The following MTMR14 variants were observed in gnomAD, a reference collection of about 807,000 sequenced individuals.
The protein encoded by MTMR14 is myotubularin related protein 14, also known as phosphatidylinositol-3,5-bisphosphate 3-phosphatase MTMR14.
Under a neutral mutation model 86.3 loss-of-function variants are expected in MTMR14, and 48 were observed. That is an observed-to-expected ratio of 0.56 (90% CI 0.44 to 0.71). MTMR14 has a LOEUF of 0.71. Ranked by LOEUF, MTMR14 falls within the 30% of genes least tolerant of loss-of-function variation. MTMR14 has a pLI of 0.00. For synonymous variants in MTMR14, 366 were observed against 326.1 expected, an observed-to-expected ratio of 1.12 and a Z score of -1.32; for missense variants, 780 against 834.6, an observed-to-expected ratio of 0.93 and a Z score of 0.81.
Position 9,701,765 on chromosome 3 carries a change from G to A in MTMR14, c.1770-25G>A. 6.2e-7 allele frequency: 1 copy of A among 1,612,744 alleles called. No individual in the cohort carries two copies. Among genetic ancestry groups the A allele is most frequent in the Non-Finnish European group, 8.5e-7 (1 of 1,179,970 alleles). On this transcript the variant is annotated intron_variant, in intron 18 of 18. Transcript: ENST00000296003. The surrounding 1 kb of genome is among the most constrained non-coding windows in gnomAD (Gnocchi z 4.2). ...GGTCCTGTCCCAGGGTAATGTCTTT[G>A]TTCTTTCTCTTGACCTCCCCATAGG...
intron 2 of MTMR14, among the ~76,000 whole-genome samples, chr3:9,658,735 A>C (rs2047752385): frequency 6.6e-6 from 1 of 152,212 alleles, no homozygotes; most frequent in Non-Finnish European, 1.5e-5. Context: ...TGTAAGCTCT[A>C]CTTTGTGCCT....
intron 13 of MTMR14, 109 bp downstream of exon 13, chr3:9,685,356 C>A: frequency 1.5e-6 from 2 of 1,353,386 alleles, no homozygotes; most frequent in Non-Finnish European, 2.1e-6. Flanking sequence ...CCCAGGTGTG[C>A]AGGGATGTGG....
chr3:9,685,389 GCA>G, intron 13 of MTMR14, 142 bp downstream of exon 13: 2 of 1,008,908 alleles, frequency 2.0e-6, no homozygotes, highest in East Asian at 4.9e-5. Context: ...TCCTCCTGAG[GCA>G]GCGTGGCAGG....
Position 9,669,532 on chromosome 3 carries a change from G to C in MTMR14, c.554+40G>C. 2.5e-6 allele frequency: 4 copies of C among 1,599,026 alleles called. No individual in the cohort carries two copies. The South Asian group carries it at 4.5e-5, about 18-fold the overall frequency. The stretch of plus-strand genomic sequence containing the variant: ...GCTGTGGTCAGGGGCTTGTGTTGGG[G>C]ATGGGGTGTCTGGCCAGAGATGGCC... On this transcript the variant is annotated intron_variant, in intron 5 of 18. Coordinates refer to ENST00000296003, the MANE Select transcript of MTMR14 (RefSeq NM_001077525.3).
chr3:9,669,323 G>A (rs990296055), intron 4 of MTMR14, 109 bp from the exon 5 acceptor site: 5 of 1,050,582 alleles, frequency 4.8e-6, no homozygotes, highest in African/African-American at 1.6e-5. Context: ...GTAGAGCCAT[G>A]TAGTCCCAGC....
chr3:9,682,938 CCCCCCG>C (rs1236490868), intron 9 of MTMR14, among the ~76,000 whole-genome samples: 10 of 151,642 alleles, frequency 6.6e-5, no homozygotes, highest in Non-Finnish European at 1.5e-4. Context: ...TCAGAGCCCC[CCCCCCG>C]CCCCCGCCCC....
chr3:9,687,034 G>A (rs772618179), intron 13 of MTMR14, among the ~76,000 whole-genome samples: 4 of 152,210 alleles, frequency 2.6e-5, no homozygotes, highest in Admixed American at 6.5e-5. Context: ...CCGCAGTTCT[G>A]AACCAGTATT....
intron 17 of MTMR14, among the ~76,000 whole-genome samples, chr3:9,692,325 A>G (rs1404574448): frequency 6.6e-6 from 1 of 152,220 alleles, no homozygotes; most frequent in Non-Finnish European, 1.5e-5. Flanking sequence ...GTAGGTATGA[A>G]TCAGGTTGGG....
intron 3 of MTMR14, among the ~76,000 whole-genome samples, chr3:9,667,503 C>G (rs1308405975): frequency 6.6e-6 from 1 of 152,014 alleles, no homozygotes; most frequent in East Asian, 1.9e-4. Context: ...TTTAGACCCA[C>G]AGAAAGTTAA....
intron 2 of MTMR14, among the ~76,000 whole-genome samples, chr3:9,655,615 C>T (rs906496038): frequency 1.3e-5 from 2 of 150,888 alleles, no homozygotes; most frequent in African/African-American, 4.9e-5. Flanking sequence ...CGCCCGCCAC[C>T]ACGCCCAGCT....
chr3:9,669,392 G>A (rs2048444582), intron 4 of MTMR14, 40 bp from the exon 5 acceptor site: 2 of 1,609,916 alleles, frequency 1.2e-6, no homozygotes, highest in Non-Finnish European at 1.7e-6. Flanking sequence ...GGAGCCCTGG[G>A]TCACCAGCCT....
At chr3:9,654,747 G>C (rs2047499709) in intron 2 of MTMR14, among the ~76,000 whole-genome samples, 1 of 152,238 alleles carries the variant, frequency 6.6e-6, no homozygotes, top group Admixed American at 6.5e-5. Flanking sequence ...AGCAGGGCTA[G>C]CAGTGCATTC....
chr3:9,663,173 T>C (rs1010496826), intron 3 of MTMR14, among the ~76,000 whole-genome samples: 1 of 151,908 alleles, frequency 6.6e-6, no homozygotes, highest in Non-Finnish European at 1.5e-5. Flanking sequence ...TGGACTGACA[T>C]ACAGAGAGCC....
At chr3:9,670,956 G>A in intron 5 of MTMR14, 92 bp from the exon 6 acceptor site, 1 of 1,532,654 alleles carries the variant, frequency 6.5e-7, no homozygotes. Flanking sequence ...CTGGAGAAGA[G>A]TGACATCCAT....
intron 2 of MTMR14, among the ~76,000 whole-genome samples, chr3:9,661,693 C>T (rs2125041797): frequency 1.3e-5 from 2 of 151,980 alleles, no homozygotes; most frequent in Middle Eastern, 3.4e-3. Flanking sequence ...GTGTATATTT[C>T]TGAATTTTGT....
At chr3:9,664,283 T>TGCC (rs2048123972) in intron 3 of MTMR14, among the ~76,000 whole-genome samples, 1 of 150,742 alleles carries the variant, frequency 6.6e-6, no homozygotes, top group East Asian at 1.9e-4. Flanking sequence ...TGTATGTTCA[T>TGCC]ATAGTTAAGG....
At chr3:9,659,385 C>A (rs987555988) in intron 2 of MTMR14, among the ~76,000 whole-genome samples, 10 of 151,966 alleles carry the variant, frequency 6.6e-5, no homozygotes, top group Non-Finnish European at 1.3e-4. Context: ...ATAAAAGAAT[C>A]CTAAGGACAA....
intron 3 of MTMR14, among the ~76,000 whole-genome samples, chr3:9,664,036 G>A (rs1190758773): frequency 4.6e-5 from 7 of 151,324 alleles, no homozygotes; most frequent in Admixed American, 1.3e-4. Context: ...TAATCCGCCC[G>A]CCTCAGCCTC....
chr3:9,674,394 C>T (rs993308714), intron 7 of MTMR14, among the ~76,000 whole-genome samples: 1 of 152,152 alleles, frequency 6.6e-6, no homozygotes, highest in East Asian at 1.9e-4. Context: ...ATCATGATGT[C>T]TATTTGTAAT....
Sources: allele counts gnomAD v4.1 joint callset (sites outside exome capture counted in the v4.1 genomes callset), GRCh38; gene constraint gnomAD v4.1.1; non-coding constraint Gnocchi (gnomAD v3.1); transcripts MANE v1.5; gene names NCBI Gene and HGNC (gene_info 2026-07-23, HGNC 2026-07-21).